PMFBP1: variants seen among roughly 807,000 people sequenced by gnomAD.
The protein encoded by PMFBP1 is polyamine-modulated factor 1-binding protein 1.
PMFBP1 carries 131 observed loss-of-function variants against 137.8 expected under a neutral mutation model. The ratio of observed to expected loss-of-function variants is 0.95; its 90% CI spans 0.82 to 1.10. The LOEUF (loss-of-function observed/expected upper bound fraction) is 1.10, where lower values mean the gene tolerates loss of function less well. Among genes scored for constraint, PMFBP1 ranks in the 50% least tolerant of loss-of-function variants. The probability of loss-of-function intolerance (pLI) is 0.00; values close to 1 mark genes in which losing one functional copy is unlikely to be tolerated. For missense variants in PMFBP1, 1,199 were observed against 1,175.4 expected (o/e 1.02, Z -0.29); for synonymous variants, 490 against 450.4 (o/e 1.09, Z -1.11).
intron 5 of PMFBP1, among the ~76,000 whole-genome samples, chr16:72,147,746 T>C (rs554718284): frequency 1.3e-5 from 2 of 152,148 alleles, no homozygotes; most frequent in Non-Finnish European, 2.9e-5. Flanking sequence ...AAGACATTTA[T>C]GCAGCCAAGA....
intron 4 of PMFBP1, among the ~76,000 whole-genome samples, chr16:72,153,921 TACAC>T (rs3223525): frequency 0.24 from 32,498 of 133,758 alleles, 4,112 homozygotes; most frequent in East Asian, 0.49. Flanking sequence ...GATGGACTTA[TACAC>T]ACACACACAC....
the PMFBP1 span, among the ~76,000 whole-genome samples, chr16:72,196,396 TTCTTTAACACTGCCA>T: frequency 6.6e-6 from 1 of 152,160 alleles, no homozygotes; most frequent in Non-Finnish European, 1.5e-5. Context: ...CCAGGTTTTT[TTCTTTAACACTGCCA>T]TCTTTGACGC....
At chr16:72,167,884 T>G (rs1366194071) in intron 2 of PMFBP1, among the ~76,000 whole-genome samples, 10 of 152,210 alleles carry the variant, frequency 6.6e-5, no homozygotes, top group Non-Finnish European at 8.8e-5. Flanking sequence ...CGATACACAC[T>G]TGAGTCTCTC....
upstream of PMFBP1, among the ~76,000 whole-genome samples, chr16:72,177,130 T>TAG (rs1421554749): frequency 6.6e-6 from 1 of 152,220 alleles, no homozygotes; most frequent in Non-Finnish European, 1.5e-5. Flanking sequence ...ACCTAATCTT[T>TAG]GTTGCCATTA....
chr16:72,249,920 C>CAAA, the PMFBP1 span, among the ~76,000 whole-genome samples: 118 of 30,064 alleles, frequency 3.9e-3, 1 homozygote, highest in East Asian at 7.3e-3. Flanking sequence ...GACTCCATCG[C>CAAA]AAAAAAAAAA....
At chr16:72,162,051 A>G (rs2043070130) in intron 3 of PMFBP1, among the ~76,000 whole-genome samples, 1 of 152,196 alleles carries the variant, frequency 6.6e-6, no homozygotes, top group Non-Finnish European at 1.5e-5. Context: ...CAGGGAATGG[A>G]GCCTGGGAAA....
the PMFBP1 span, among the ~76,000 whole-genome samples, chr16:72,211,343 G>A: frequency 1.3e-5 from 2 of 152,132 alleles, no homozygotes; most frequent in African/African-American, 4.8e-5. Flanking sequence ...AAAACCAGAA[G>A]TTTCTTCTCT....
At chr16:72,130,783 C>T (rs1022885112) in intron 10 of PMFBP1, 61 bp from the exon 11 acceptor site, 2 of 1,468,742 alleles carry the variant, frequency 1.4e-6, no homozygotes, top group Non-Finnish European at 9.1e-7. Flanking sequence ...ACACTCTTAT[C>T]AGCCTGGCTG....
intron 19 of PMFBP1, 160 bp from the exon 20 acceptor site, chr16:72,120,249 A>C: frequency 8.1e-7 from 1 of 1,236,606 alleles, no homozygotes; most frequent in Non-Finnish European, 1.1e-6. Flanking sequence ...ATGGAAGCCT[A>C]CGTGTGTCCT....
chr16:72,183,548 G>C, the PMFBP1 span, among the ~76,000 whole-genome samples: 2 of 152,160 alleles, frequency 1.3e-5, no homozygotes, highest in African/African-American at 4.8e-5. Context: ...AAGGACACCA[G>C]TCATATTGGA....
At position 72,131,605 on chromosome 16, in the gene PMFBP1, G is replaced by A. The variant is rs1277406533; in HGVS notation, c.1448-883C>T. 3.9e-5 allele frequency among the ~76,000 whole-genome samples: 6 copies of A among 152,148 alleles called. No individual in the cohort carries two copies. The East Asian group carries it at 1.2e-3, about 29-fold the overall frequency. On this transcript the variant is annotated intron_variant, in intron 10 of 20. Transcript: ENST00000237353. ...GAGGAGGGAGCTCACTGAGGAACGA[G>A]TAAGAAGGGGAGGAGAGTCTCTAGA...
chr16:72,222,576 G>C, the PMFBP1 span, among the ~76,000 whole-genome samples: 1 of 152,094 alleles, frequency 6.6e-6, no homozygotes, highest in African/African-American at 2.4e-5. Context: ...AACAAAGACT[G>C]TGCCCATCCC....
At chr16:72,207,765 T>C in the PMFBP1 span, among the ~76,000 whole-genome samples, 3 of 151,020 alleles carry the variant, frequency 2.0e-5, no homozygotes, top group African/African-American at 4.9e-5. Flanking sequence ...CACACACATA[T>C]ACATATATAA....
At chr16:72,201,809 T>C in the PMFBP1 span, among the ~76,000 whole-genome samples, 1 of 152,222 alleles carries the variant, frequency 6.6e-6, no homozygotes, top group Non-Finnish European at 1.5e-5. Flanking sequence ...CAAAGCTCAT[T>C]ATTGAAGTCA....
At chr16:72,132,062 C>T (rs2042557410) in intron 10 of PMFBP1, among the ~76,000 whole-genome samples, 1 of 152,164 alleles carries the variant, frequency 6.6e-6, no homozygotes, top group Non-Finnish European at 1.5e-5. Flanking sequence ...CCCAGGCTGT[C>T]TTGAACTCCT....
At chr16:72,120,997 G>T (rs1240919017) in intron 19 of PMFBP1, among the ~76,000 whole-genome samples, 1 of 152,206 alleles carries the variant, frequency 6.6e-6, no homozygotes, top group Non-Finnish European at 1.5e-5. Context: ...ATCATTAAAA[G>T]TTGGTTTTCT....
Position 72,154,078 on chromosome 16 carries a change from G to C in PMFBP1, c.414+133C>G, listed in dbSNP as rs1275390631. 149 of 1,192,736 alleles carry C rather than the reference G, an allele frequency of 1.2e-4. 1 individual carries two copies. The East Asian group carries it at 3.5e-3, about 28-fold the overall frequency. 73.9% of individuals were successfully genotyped at this position (1,192,736 alleles called of 1,614,324 possible). ...CTTCAAAAAGATCAAGAATTAAAGG[G>C]GGAAGGTTTATAAAACCTGCTCGGG... is the stretch of plus-strand genomic sequence containing the variant. On this transcript the variant is annotated intron_variant, in intron 4 of 20. Transcript: ENST00000237353.
chr16:72,130,334 A>C lies in PMFBP1; in HGVS notation c.1661T>G (p.Leu554Ter). The C allele has an allele frequency of 6.2e-7, 1 of 1,614,206 alleles. No homozygotes were observed. The highest frequency in any genetic ancestry group is 8.5e-7 in the Non-Finnish European group (1 of 1,180,042). The change falls in exon 12 of 21, where the codon TTA becomes TGA. Residue 554 changes from leucine (L) to a stop codon, truncating the protein, a stop_gained. Transcript: ENST00000237353. LOFTEE classifies it high-confidence loss of function. ...SNRKRVEELS[L>*]ELSEALRKLE... ...CTTCCTCAGGGCTTCAGAGAGTTCT[A>C]ATGACAGCTCCTCCACCCGTTTTCT...
intron 14 of PMFBP1, 89 bp from the exon 15 acceptor site, chr16:72,126,221 G>C (rs2042455990): frequency 6.9e-7 from 1 of 1,440,316 alleles, no homozygotes; most frequent in Non-Finnish European, 9.4e-7. Context: ...CAAGAGCCAA[G>C]CTCTCTCCTG....
Sources: allele counts gnomAD v4.1 joint callset (sites outside exome capture counted in the v4.1 genomes callset), GRCh38; gene constraint gnomAD v4.1.1; transcripts MANE v1.5; gene names NCBI Gene and HGNC (gene_info 2026-07-23, HGNC 2026-07-21).